SIRT5: variants seen among roughly 807,000 people sequenced by gnomAD.
The protein encoded by SIRT5 is NAD-dependent protein deacylase sirtuin-5, mitochondrial.
A neutral mutation model predicts 40.0 loss-of-function variants in SIRT5; 26 were observed. The observed-to-expected ratio is 0.65, with a 90% confidence interval of 0.48 to 0.90. The LOEUF (loss-of-function observed/expected upper bound fraction) is 0.90, where lower values mean the gene tolerates loss of function less well. Among genes scored for constraint, SIRT5 ranks in the 40% least tolerant of loss-of-function variants. SIRT5 has a pLI of 0.00. For missense variants in SIRT5, 401 were observed against 402.4 expected (o/e 1.00, Z 0.03); for synonymous variants, 146 against 149.1 (o/e 0.98, Z 0.15).
intron 3 of SIRT5, among the ~76,000 whole-genome samples, chr6:13,586,911 A>G (rs1203708781): frequency 3.9e-5 from 6 of 152,036 alleles, no homozygotes; most frequent in Non-Finnish European, 7.4e-5. Context: ...TAAGCTCACC[A>G]TCTCTGAGCC....
chr6:13,610,358 C>T (rs1043985808), intron 9 of SIRT5, among the ~76,000 whole-genome samples: 3 of 152,172 alleles, frequency 2.0e-5, no homozygotes, highest in African/African-American at 4.8e-5. Context: ...AATTTTGTAT[C>T]ATACTTAGCG....
intron 7 of SIRT5, 145 bp downstream of exon 7, chr6:13,597,161 C>T: frequency 3.1e-6 from 2 of 636,540 alleles, no homozygotes; most frequent in South Asian, 4.1e-5. Context: ...TCTCTGAGAC[C>T]AAAAGTGAAA....
chr6:13,611,213 A>G (rs956681138), intron 9 of SIRT5, among the ~76,000 whole-genome samples: 4 of 120,480 alleles, frequency 3.3e-5, no homozygotes, highest in Non-Finnish European at 3.5e-5. Flanking sequence ...GTGTGTATAT[A>G]TATATATATA....
intron 3 of SIRT5, among the ~76,000 whole-genome samples, chr6:13,584,491 C>T (rs1486175673): frequency 6.6e-6 from 1 of 152,174 alleles, no homozygotes. Context: ...GCTGGGACTG[C>T]AGGCACATGC....
At chr6:13,591,534 A>C (rs2127657492) in intron 4 of SIRT5, 135 bp from the exon 5 acceptor site, 1 of 691,418 alleles carries the variant, frequency 1.4e-6, no homozygotes, top group East Asian at 2.9e-5. Context: ...TTGTTTGAAC[A>C]TAGTGCTGCC....
At chr6:13,603,625 T>C (rs1011805369) in intron 9 of SIRT5, among the ~76,000 whole-genome samples, 7 of 152,174 alleles carry the variant, frequency 4.6e-5, no homozygotes, top group African/African-American at 1.7e-4. Context: ...GAATGTACAA[T>C]GGCGCAGTCA....
intron 9 of SIRT5, among the ~76,000 whole-genome samples, chr6:13,609,541 A>G (rs1294483328): frequency 6.6e-6 from 1 of 152,220 alleles, no homozygotes; most frequent in Non-Finnish European, 1.5e-5. Context: ...TCAACGTGGA[A>G]TGTTGTGTCC....
chr6:13,615,074 A>G lies in SIRT5; in HGVS notation c.*3209A>G. The stretch of plus-strand genomic sequence containing the variant: ...CCCTGTCTCGCCATCCCAGCCGAGG[A>G]GGGCAGCGCGATGGCTCTTCCCTGC... On this transcript the variant is annotated 3_prime_UTR_variant, in exon 10 of 10. Transcript: ENST00000606117. 1 of 396,182 alleles carries G rather than the reference A, an allele frequency of 2.5e-6. No homozygotes were observed. 24.5% of individuals were successfully genotyped at this position (396,182 alleles called of 1,614,324 possible).
intron 4 of SIRT5, among the ~76,000 whole-genome samples, chr6:13,590,857 T>G (rs1283595587): frequency 6.6e-6 from 1 of 151,782 alleles, no homozygotes; most frequent in Non-Finnish European, 1.5e-5. Context: ...TGTGCAGTTG[T>G]GTGTGTATGT....
intron 5 of SIRT5, among the ~76,000 whole-genome samples, chr6:13,594,384 CT>C (rs1392923372): frequency 6.6e-6 from 1 of 152,174 alleles, no homozygotes; most frequent in Non-Finnish European, 1.5e-5. Flanking sequence ...AGTGGTGCAG[CT>C]TATGTCATCT....
intron 5 of SIRT5, among the ~76,000 whole-genome samples, chr6:13,592,915 A>AATT: frequency 7.2e-6 from 1 of 139,138 alleles, no homozygotes; most frequent in South Asian, 2.3e-4. Context: ...ATTTAATTTA[A>AATT]TTTTTTTTTT....
intron 9 of SIRT5, among the ~76,000 whole-genome samples, chr6:13,606,680 T>C (rs1235147091): frequency 6.6e-6 from 1 of 152,104 alleles, no homozygotes; most frequent in East Asian, 1.9e-4. Flanking sequence ...TTTTGTTTGT[T>C]TTTTGTTTTG....
chr6:13,585,998 G>T (rs112519665), intron 3 of SIRT5, among the ~76,000 whole-genome samples: 46,108 of 152,050 alleles, frequency 0.3, 7,124 homozygotes, highest in African/African-American at 0.33. Flanking sequence ...GGCCAGTGAT[G>T]ATGAGCATTT....
At chr6:13,597,052 G>A in intron 7 of SIRT5, 36 bp downstream of exon 7, 1 of 1,533,520 alleles carries the variant, frequency 6.5e-7, no homozygotes, top group Non-Finnish European at 8.8e-7. Context: ...TGGTGTTCCA[G>A]GTTACCAAAA....
Position 13,591,817 on chromosome 6 carries a change from G to A in SIRT5, c.398G>A (p.Arg133Gln), listed in dbSNP as rs772154888. ...ECETRLGKQG[R>Q]RVVVITQNID... is the part of the protein sequence containing the mutation. ...GAGACCCGGCTGGGCAAGCAGGGCC[G>A]GCGAGTCGTGGTCATCACCCAGAAC... Residue 133 changes from arginine to glutamine, a missense_variant, in exon 5 of 10, where the codon CGG becomes CAG. Transcript: ENST00000606117. 1.9e-5 allele frequency: 31 copies of A among 1,614,034 alleles called. No individual in the cohort carries two copies. The highest frequency in any genetic ancestry group is 1.7e-4 in the African/African-American group (13 of 74,936).
At chr6:13,591,963 C>T in intron 5 of SIRT5, 69 bp downstream of exon 5, 1 of 1,381,214 alleles carries the variant, frequency 7.2e-7, no homozygotes, top group Non-Finnish European at 1.0e-6. Flanking sequence ...TTCAGCATCA[C>T]CTCTGGTGCC....
At chr6:13,586,117 A>G (rs999788241) in intron 3 of SIRT5, among the ~76,000 whole-genome samples, 5 of 152,088 alleles carry the variant, frequency 3.3e-5, no homozygotes, top group Non-Finnish European at 7.4e-5. Context: ...AAATTTGTTT[A>G]AGTTATTTGT....
At chr6:13,600,191 T>C (rs1584827690) in intron 8 of SIRT5, among the ~76,000 whole-genome samples, 2 of 152,352 alleles carry the variant, frequency 1.3e-5, no homozygotes, top group East Asian at 3.9e-4. Context: ...AAATTTTTCT[T>C]GACACGTCTT....
In SIRT5 at chr6:13,614,002, T is replaced by C. The variant is rs1024856560; in HGVS notation, c.*2137T>C. ...TTTTTTGTTGTTGTTGTTTTCAAGT[T>C]TTATCATTTTTGTTCCTATTTGGTT... On this transcript the variant is annotated 3_prime_UTR_variant, in exon 10 of 10. Transcript: ENST00000606117. The C allele has an allele frequency of 1.3e-5, 2 of 152,232 alleles. No homozygotes were observed. Among genetic ancestry groups the C allele is most frequent in the Admixed American group, 6.5e-5 (1 of 15,284 alleles). The allele number at this position is 152,232 out of a possible 1,614,324, so 9.4% of individuals were successfully genotyped here.
Sources: gnomAD v4.1 joint callset for allele counts (sites outside exome capture counted in the v4.1 genomes callset) on GRCh38, gnomAD v4.1.1 for gene constraint, MANE v1.5 for transcripts, NCBI Gene and HGNC (gene_info 2026-07-23, HGNC 2026-07-21) for gene names.